LRRC37A2: variants seen among roughly 807,000 people sequenced by gnomAD.
LRRC37A2 encodes leucine-rich repeat-containing protein 37A2.
A neutral mutation model predicts 68.8 loss-of-function variants in LRRC37A2; 9 were observed. The ratio of observed to expected loss-of-function variants is 0.13; its 90% CI spans 0.08 to 0.23. LRRC37A2 has a LOEUF of 0.23. LRRC37A2 is among the 10% of genes least tolerant of loss of function. LRRC37A2 has a pLI of 1.00. For missense variants in LRRC37A2, 168 were observed against 950.4 expected (o/e 0.18, Z 10.82); for synonymous variants, 63 against 367.6 (o/e 0.17, Z 9.48).
At chr17:46,766,300 C>A in the LRRC37A2 span, among the ~76,000 whole-genome samples, 1 of 151,834 alleles carries the variant, frequency 6.6e-6, no homozygotes, top group African/African-American at 2.4e-5. Flanking sequence ...CCCAGCTACT[C>A]GGGAGGCTGA....
the LRRC37A2 span, among the ~76,000 whole-genome samples, chr17:47,004,155 A>G: frequency 2.6e-3 from 392 of 152,288 alleles, 1 homozygote; most frequent in Non-Finnish European, 3.9e-3. Flanking sequence ...AGTCTTTGCT[A>G]TTGTGAATAG....
chr17:46,959,431 G>A, the LRRC37A2 span, among the ~76,000 whole-genome samples: 1 of 152,138 alleles, frequency 6.6e-6, no homozygotes, highest in Non-Finnish European at 1.5e-5. Context: ...AGCTCAGATT[G>A]CCTTAAATCG....
the LRRC37A2 span, chr17:46,876,792 T>C: frequency 1.4e-6 from 2 of 1,464,260 alleles, no homozygotes; most frequent in Non-Finnish European, 1.8e-6. Flanking sequence ...CAGCCGGCCC[T>C]CTGGGCAGAC....
chr17:46,894,526 A>T, the LRRC37A2 span, among the ~76,000 whole-genome samples: 1 of 152,210 alleles, frequency 6.6e-6, no homozygotes, highest in African/African-American at 2.4e-5. Context: ...CCCTTGAGGG[A>T]GCAGACCTGG....
At chr17:46,767,878 G>A in the LRRC37A2 span, among the ~76,000 whole-genome samples, 15 of 151,968 alleles carry the variant, frequency 9.9e-5, no homozygotes, top group African/African-American at 3.1e-4. Context: ...AACCTCTGTC[G>A]CCCAGGTTCA....
the LRRC37A2 span, among the ~76,000 whole-genome samples, chr17:46,836,141 T>TGTGTGTGTGTGTGTGTGTGTGTGTG: frequency 2.7e-5 from 4 of 149,978 alleles, no homozygotes; most frequent in East Asian, 2.0e-4. Context: ...TGTGTCTCGG[T>TGTGTGTGTGTGTGTGTGTGTGTGTG]TGTGGTGGTG....
At chr17:46,958,934 GA>G in the LRRC37A2 span, among the ~76,000 whole-genome samples, 1 of 152,230 alleles carries the variant, frequency 6.6e-6, no homozygotes, top group African/African-American at 2.4e-5. Flanking sequence ...TTACAAGGCT[GA>G]GTGAATAGCA....
At chr17:46,721,830 T>C in the LRRC37A2 span, 1 of 1,596,590 alleles carries the variant, frequency 6.3e-7, no homozygotes, top group Non-Finnish European at 8.6e-7. Flanking sequence ...CACTTTTGCT[T>C]ATTTTTTGTA....
chr17:46,858,090 C>T, the LRRC37A2 span, among the ~76,000 whole-genome samples: 11 of 152,162 alleles, frequency 7.2e-5, no homozygotes, highest in East Asian at 1.5e-3. Flanking sequence ...CCACCATGCT[C>T]GGCTAATTTT....
chr17:47,006,689 C>T, the LRRC37A2 span, among the ~76,000 whole-genome samples: 1 of 152,204 alleles, frequency 6.6e-6, no homozygotes, highest in Admixed American at 6.5e-5. Flanking sequence ...CACCACCTAA[C>T]CCTATGCATC....
chr17:46,896,474 A>AAGAC, the LRRC37A2 span, among the ~76,000 whole-genome samples: 12 of 131,032 alleles, frequency 9.2e-5, no homozygotes, highest in East Asian at 5.9e-4. Context: ...GAAAGAAAGA[A>AAGAC]AGACAGACCA....
At chr17:46,849,510 T>C in the LRRC37A2 span, among the ~76,000 whole-genome samples, 510 of 152,294 alleles carry the variant, frequency 3.3e-3, 2 homozygotes, top group African/African-American at 0.011. Flanking sequence ...CTTCCTTCTC[T>C]CTGACTCACA....
the LRRC37A2 span, among the ~76,000 whole-genome samples, chr17:46,891,758 C>T: frequency 2.6e-5 from 4 of 152,140 alleles, no homozygotes; most frequent in African/African-American, 9.7e-5. Context: ...CCTTCTTTAT[C>T]CCCTGACCAG....
At chr17:46,711,856 G>A in the LRRC37A2 span, among the ~76,000 whole-genome samples, 1 of 152,176 alleles carries the variant, frequency 6.6e-6, no homozygotes, top group African/African-American at 2.4e-5. Context: ...TGGGGAGGAT[G>A]TTTGAGGCAG....
the LRRC37A2 span, among the ~76,000 whole-genome samples, chr17:46,765,414 G>A: frequency 2.6e-5 from 4 of 152,256 alleles, no homozygotes; most frequent in African/African-American, 9.6e-5. Flanking sequence ...TGGTTAGCCA[G>A]AGACACTGGG....
the LRRC37A2 span, chr17:46,768,877 G>GC: frequency 6.4e-7 from 1 of 1,561,658 alleles, no homozygotes; most frequent in South Asian, 1.2e-5. This position sits in a 1 kb window ranked among gnomAD's most constrained non-coding sequence, Gnocchi z 5.0. Context: ...CTCTGCCACT[G>GC]CCCACCCCCT....
At chr17:46,635,777 A>ATGTGTGTGTGTGTGTGTGTGTGTGTG in the LRRC37A2 span, among the ~76,000 whole-genome samples, 6 of 116,704 alleles carry the variant, frequency 5.1e-5, no homozygotes, top group East Asian at 2.0e-4. Context: ...GGGAAAATAA[A>ATGTGTGTGTGTGTGTGTGTGTGTGTG]TGTGTGTGTG....
At chr17:46,780,577 A>G in the LRRC37A2 span, among the ~76,000 whole-genome samples, 37 of 152,246 alleles carry the variant, frequency 2.4e-4, 1 homozygote, top group South Asian at 7.3e-3. Context: ...TCACGAGGTC[A>G]GGAGATCGAG....
At chr17:47,030,831 G>A in the LRRC37A2 span, among the ~76,000 whole-genome samples, 1 of 151,896 alleles carries the variant, frequency 6.6e-6, no homozygotes, top group African/African-American at 2.4e-5. Context: ...TGTGGTGTTT[G>A]TAAGTTGAAA....
Sources: allele counts gnomAD v4.1 joint callset (sites outside exome capture counted in the v4.1 genomes callset), GRCh38; gene constraint gnomAD v4.1.1; non-coding constraint Gnocchi (gnomAD v3.1); transcripts MANE v1.5; gene names NCBI Gene and HGNC (gene_info 2026-07-23, HGNC 2026-07-21).